Variants in PI4K2A observed in about 807,000 individuals in gnomAD.
PI4K2A encodes phosphatidylinositol 4-kinase type 2 alpha.
PI4K2A carries 20 observed loss-of-function variants against 55.0 expected under a neutral mutation model. The ratio of observed to expected loss-of-function variants is 0.36; its 90% confidence interval spans 0.26 to 0.53. The LOEUF (loss-of-function observed/expected upper bound fraction) is 0.53. Ranked by LOEUF, PI4K2A falls within the 20% of genes least tolerant of loss-of-function variation. PI4K2A has a pLI of 0.91. For synonymous variants in PI4K2A, 235 were observed against 258.5 expected (o/e 0.91, Z 0.87); for missense variants, 463 against 637.1 (o/e 0.73, Z 2.94).
exon 9 of PI4K2A, chr10:97,673,728 T>C: frequency 1.2e-6 from 2 of 1,614,016 alleles, no homozygotes; most frequent in Non-Finnish European, 1.7e-6. Flanking sequence ...GAAGCCCTTC[T>C]TTTCATGGTG....
intron 2 of PI4K2A, among the ~76,000 whole-genome samples, chr10:97,653,882 ACT>A (rs1379872791): frequency 6.6e-6 from 1 of 151,488 alleles, no homozygotes; most frequent in Non-Finnish European, 1.5e-5. Context: ...GTGCCACCAC[ACT>A]CTATCCTGGG....
intron 4 of PI4K2A, among the ~76,000 whole-genome samples, chr10:97,658,176 T>C (rs1722745782): frequency 6.6e-6 from 1 of 152,182 alleles, no homozygotes; most frequent in South Asian, 2.1e-4. Context: ...CTATACTCAT[T>C]AAACAGTAAC....
At chr10:97,671,381 G>T (rs941064024) in intron 8 of PI4K2A, among the ~76,000 whole-genome samples, 3 of 152,236 alleles carry the variant, frequency 2.0e-5, no homozygotes, top group Non-Finnish European at 4.4e-5. Flanking sequence ...GAGGCCAGAA[G>T]TTGGAGGGTG....
chr10:97,651,344 C>G (rs2041529446), intron 2 of PI4K2A, among the ~76,000 whole-genome samples: 1 of 152,234 alleles, frequency 6.6e-6, no homozygotes, highest in African/African-American at 2.4e-5. Context: ...AGGATACACA[C>G]ACAATTTTTG....
At chr10:97,659,102 A>G (rs1183931821) in intron 4 of PI4K2A, among the ~76,000 whole-genome samples, 2 of 152,188 alleles carry the variant, frequency 1.3e-5, no homozygotes, top group African/African-American at 4.8e-5. Context: ...TAGCACAATC[A>G]TAGCTCACTA....
chr10:97,672,520 C>A (rs998572553), intron 8 of PI4K2A, among the ~76,000 whole-genome samples: 6 of 151,998 alleles, frequency 3.9e-5, no homozygotes, highest in Non-Finnish European at 7.4e-5. Flanking sequence ...CGCTTCTTTG[C>A]CAATACATTT....
intron 1 of PI4K2A, among the ~76,000 whole-genome samples, chr10:97,646,966 G>C (rs919811660): frequency 1.3e-5 from 2 of 150,874 alleles, no homozygotes; most frequent in African/African-American, 2.4e-5. Flanking sequence ...TTTTTTTGTA[G>C]AGATGGGGTT....
rs1564772338 is a variant in PI4K2A at position 97,642,869 on chromosome 10, CTTTCTTT to C, written c.435+1693_435+1699del. Among the ~76,000 whole-genome samples the C allele has an allele frequency of 2.8e-4, 26 of 93,414 alleles. 1 individual carries two copies. Among genetic ancestry groups the C allele is most frequent in the African/African-American group, 8.2e-4 (17 of 20,716 alleles). 61.3% of individuals were successfully genotyped at this position (93,414 alleles called of 152,430 possible). ...TTCCTTCCTTTCTTTCTTTCTTTTTCTTTCTTTCTTTCTTTCTTCCTTCCTTCCTTCC... is the reference window on the plus strand; with the variant it reads ...TTCCTTCCTTTCTTTCTTTCTTTTTCCTTTCTTTCTTCCTTCCTTCCTTCC... On this transcript the variant is annotated intron_variant, in intron 1 of 8. Coordinates refer to ENST00000370631, the Ensembl canonical transcript of PI4K2A.
At chr10:97,673,163 G>T (rs2041645146) in intron 8 of PI4K2A, among the ~76,000 whole-genome samples, 1 of 151,210 alleles carries the variant, frequency 6.6e-6, no homozygotes, top group African/African-American at 2.4e-5. Flanking sequence ...ATTTTTTTTG[G>T]TATTTTTAGT....
chr10:97,671,565 A>T (rs889662234), intron 8 of PI4K2A, among the ~76,000 whole-genome samples: 3 of 151,456 alleles, frequency 2.0e-5, no homozygotes, highest in South Asian at 2.1e-4. Context: ...ACATTTATTT[A>T]AAAAAAAAGG....
chr10:97,642,223 C>T (rs2041473405), intron 1 of PI4K2A, among the ~76,000 whole-genome samples: 1 of 152,032 alleles, frequency 6.6e-6, no homozygotes, highest in Non-Finnish European at 1.5e-5. Context: ...CGGGCTGTTA[C>T]TTGTAGCTCT....
intron 4 of PI4K2A, among the ~76,000 whole-genome samples, chr10:97,661,376 T>C (rs1589936454): frequency 2.3e-5 from 1 of 44,104 alleles, no homozygotes; most frequent in Non-Finnish European, 4.3e-5. Context: ...AGATAAAGAC[T>C]TTTTTTTTTT....
intron 8 of PI4K2A, among the ~76,000 whole-genome samples, chr10:97,672,426 T>G (rs768221656): frequency 6.6e-6 from 1 of 152,168 alleles, no homozygotes; most frequent in East Asian, 1.9e-4. Context: ...GATAGAAAGA[T>G]AGAATTTAGA....
rs1468848070 is a variant in PI4K2A at position 97,650,875 on chromosome 10, GACTTGGTC to G, written c.436-65_436-58del. On this transcript the variant is annotated intron_variant, in intron 1 of 8. Coordinates refer to ENST00000370631, the Ensembl canonical transcript of PI4K2A. ...TGTCATTTCTTTCCAGATTCCTGCTGACTTGGTCTGTGGGCTATTTTGGTCAACTCGGA... is the reference window on the plus strand; with the variant it reads ...TGTCATTTCTTTCCAGATTCCTGCTGTGTGGGCTATTTTGGTCAACTCGGA... 3 of 1,164,336 alleles carry G rather than the reference GACTTGGTC, an allele frequency of 2.6e-6. No individual in the cohort carries two copies. The African/African-American group carries it at 4.6e-5, about 18-fold the overall frequency. The allele number at this position is 1,164,336 out of a possible 1,614,324, so 72.1% of individuals were successfully genotyped here.
exon 1 of PI4K2A, chr10:97,640,711 C>T (rs777421089): frequency 2.6e-5 from 37 of 1,425,360 alleles, no homozygotes; most frequent in Non-Finnish European, 3.1e-5. Flanking sequence ...TGGTGTGGAG[C>T]GCGCCGGGTC....
At chr10:97,646,297 C>G (rs1038255878) in intron 1 of PI4K2A, among the ~76,000 whole-genome samples, 2 of 151,818 alleles carry the variant, frequency 1.3e-5, no homozygotes, top group African/African-American at 4.8e-5. Flanking sequence ...TCACTGCAAC[C>G]TCTGCCTCCT....
intron 8 of PI4K2A, among the ~76,000 whole-genome samples, chr10:97,669,223 T>C (rs2041624345): frequency 6.6e-6 from 1 of 152,160 alleles, no homozygotes; most frequent in Non-Finnish European, 1.5e-5. Context: ...AGTAACATGG[T>C]ATTCCTACAT....
At chr10:97,652,564 G>A (rs2041534601) in intron 2 of PI4K2A, among the ~76,000 whole-genome samples, 1 of 152,032 alleles carries the variant, frequency 6.6e-6, no homozygotes, top group Non-Finnish European at 1.5e-5. Context: ...GCCTCCCAAA[G>A]TGCTGGGATT....
intron 2 of PI4K2A, among the ~76,000 whole-genome samples, chr10:97,655,242 C>T (rs368615987): frequency 6.6e-6 from 1 of 151,644 alleles, no homozygotes; most frequent in Non-Finnish European, 1.5e-5. Context: ...TGGTGGCACA[C>T]ACCTGTAATC....
Sources: gnomAD v4.1 joint callset for allele counts (sites outside exome capture counted in the v4.1 genomes callset) on GRCh38, gnomAD v4.1.1 for gene constraint, MANE v1.5 for transcripts, NCBI Gene and HGNC (gene_info 2026-07-23, HGNC 2026-07-21) for gene names.